RIT2: variants seen among roughly 807,000 people sequenced by gnomAD.
RIT2 encodes Ras like without CAAX 2, also known as GTP-binding protein Rit2.
Under a neutral mutation model 23.7 loss-of-function variants are expected in RIT2, and 24 were observed. The observed-to-expected ratio is 1.01, with a 90% CI of 0.73 to 1.43. The LOEUF is 1.43. RIT2 is among the 40% of genes most tolerant of loss of function. The pLI, the probability that RIT2 is intolerant of heterozygous loss-of-function variation, is 0.00. For synonymous variants in RIT2, 107 were observed against 91.1 expected, an observed-to-expected ratio of 1.17 and a Z score of -0.99; for missense variants, 236 against 266.9, an observed-to-expected ratio of 0.88 and a Z score of 0.81.
intron 4 of RIT2, among the ~76,000 whole-genome samples, chr18:42,814,805 C>A (rs1905948632): frequency 6.6e-6 from 1 of 152,182 alleles, no homozygotes. Flanking sequence ...AGAACCCTTA[C>A]AGAGTCCATT....
rs145449977 is a variant in RIT2 at position 43,087,777 on chromosome 18, T to C, written c.103+27640A>G. On this transcript the variant is annotated intron_variant, in intron 1 of 4. Coordinates refer to ENST00000326695, the MANE Select transcript of RIT2 (RefSeq NM_002930.4). ...TATTTCTTTTTCAACCATTCCTGTA[T>C]TGAAGTTGCTGAAGTTGCTCGGTGG... Among the ~76,000 whole-genome samples the C allele has an allele frequency of 1.2e-3, 189 of 152,316 alleles. 1 individual carries two copies. In the Middle Eastern group the frequency reaches 0.017, roughly 14 times the overall value.
chr18:42,932,902 T>C (rs928061987), intron 3 of RIT2, among the ~76,000 whole-genome samples: 1 of 152,066 alleles, frequency 6.6e-6, no homozygotes, highest in Non-Finnish European at 1.5e-5. Flanking sequence ...TTGAGAATAA[T>C]TTTTTTGTAT....
At chr18:42,886,198 C>T (rs1388858753) in intron 4 of RIT2, among the ~76,000 whole-genome samples, 1 of 152,140 alleles carries the variant, frequency 6.6e-6, no homozygotes. Flanking sequence ...TACATTTCTA[C>T]TTCTGTGAGT....
At chr18:43,088,050 C>G (rs1380755607) in intron 1 of RIT2, among the ~76,000 whole-genome samples, 1 of 152,108 alleles carries the variant, frequency 6.6e-6, no homozygotes, top group African/African-American at 2.4e-5. Context: ...ATGTCTAATC[C>G]AATTCCTGTA....
At chr18:42,997,606 T>C (rs576102401) in intron 2 of RIT2, among the ~76,000 whole-genome samples, 1 of 152,038 alleles carries the variant, frequency 6.6e-6, no homozygotes, top group East Asian at 1.9e-4. Flanking sequence ...CCATATGTGT[T>C]GTCACAGATT....
At chr18:43,012,470 T>C (rs1911372589) in intron 2 of RIT2, among the ~76,000 whole-genome samples, 1 of 151,768 alleles carries the variant, frequency 6.6e-6, no homozygotes. Flanking sequence ...ATATTATACT[T>C]CTGAGGATCT....
intron 1 of RIT2, among the ~76,000 whole-genome samples, chr18:43,034,681 C>T (rs1911935465): frequency 6.6e-6 from 1 of 152,182 alleles, no homozygotes; most frequent in Non-Finnish European, 1.5e-5. Context: ...AAGCCTTCTT[C>T]TCTACTAGGC....
intron 1 of RIT2, among the ~76,000 whole-genome samples, chr18:43,076,368 A>G (rs939894674): frequency 1.3e-5 from 2 of 152,070 alleles, no homozygotes; most frequent in Admixed American, 1.3e-4. Context: ...TCCTCTCAGT[A>G]AGTATTTATT....
chr18:42,874,778 C>A (rs1022657035), intron 4 of RIT2, among the ~76,000 whole-genome samples: 4 of 151,954 alleles, frequency 2.6e-5, no homozygotes. Flanking sequence ...CACCAACATG[C>A]GAAGCTGAAG....
At chr18:43,070,048 T>C (rs544987816) in intron 1 of RIT2, among the ~76,000 whole-genome samples, 1 of 152,268 alleles carries the variant, frequency 6.6e-6, no homozygotes, top group South Asian at 2.1e-4. Flanking sequence ...CACTGAGAAA[T>C]GCACAAGTAT....
chr18:42,913,147 G>T (rs1249364033), intron 4 of RIT2, among the ~76,000 whole-genome samples: 1 of 150,094 alleles, frequency 6.7e-6, no homozygotes, highest in Non-Finnish European at 1.5e-5. Flanking sequence ...CAATAAAAAG[G>T]GAAAAGACTC....
intron 1 of RIT2, among the ~76,000 whole-genome samples, chr18:43,052,815 C>A (rs1226066619): frequency 6.6e-6 from 1 of 152,070 alleles, no homozygotes. Context: ...ATACATAGGT[C>A]TGTGACTTCG....
intron 3 of RIT2, among the ~76,000 whole-genome samples, chr18:42,958,942 A>C (rs561147897): frequency 6.6e-6 from 1 of 152,310 alleles, no homozygotes; most frequent in African/African-American, 2.4e-5. Context: ...TTTCATGCCA[A>C]CAATAGTTTT....
At chr18:42,864,236 A>G (rs1326681041) in intron 4 of RIT2, among the ~76,000 whole-genome samples, 1 of 152,196 alleles carries the variant, frequency 6.6e-6, no homozygotes, top group Non-Finnish European at 1.5e-5. Flanking sequence ...AGGTATCAAC[A>G]CTTGAAGTAC....
chr18:42,925,570 C>T (rs969598514), intron 3 of RIT2, among the ~76,000 whole-genome samples: 8 of 151,778 alleles, frequency 5.3e-5, no homozygotes, highest in African/African-American at 1.9e-4. Context: ...TTATTATTTT[C>T]AGTACTAAAG....
chr18:43,073,560 A>C (rs1007717900), intron 1 of RIT2, among the ~76,000 whole-genome samples: 1 of 152,228 alleles, frequency 6.6e-6, no homozygotes, highest in African/African-American at 2.4e-5. Flanking sequence ...TCGTCCAAAG[A>C]TAACCCTGCC....
At chr18:42,896,728 G>GT (rs1294766722) in intron 4 of RIT2, among the ~76,000 whole-genome samples, 1 of 152,204 alleles carries the variant, frequency 6.6e-6, no homozygotes, top group Non-Finnish European at 1.5e-5. Flanking sequence ...AAAGTATTCA[G>GT]TTGACTCAGC....
At chr18:43,093,500 C>T (rs972535651) in intron 1 of RIT2, among the ~76,000 whole-genome samples, 8 of 148,862 alleles carry the variant, frequency 5.4e-5, no homozygotes, top group Non-Finnish European at 1.2e-4. Flanking sequence ...TTATTTATTC[C>T]CCCTTTGTTT....
At chr18:42,997,709 T>C (rs1226757541) in intron 2 of RIT2, among the ~76,000 whole-genome samples, 2 of 152,114 alleles carry the variant, frequency 1.3e-5, no homozygotes, top group Non-Finnish European at 2.9e-5. Flanking sequence ...GTCTCTCACA[T>C]ACTACAATGT....
Sources: allele counts gnomAD v4.1 joint callset (sites outside exome capture counted in the v4.1 genomes callset), GRCh38; gene constraint gnomAD v4.1.1; transcripts MANE v1.5; gene names NCBI Gene and HGNC (gene_info 2026-07-23, HGNC 2026-07-21).